Variants in ZFAT observed in about 807,000 individuals in gnomAD.
ZFAT encodes zinc finger protein ZFAT.
A neutral mutation model predicts 117.7 loss-of-function variants in ZFAT; 64 were observed. The observed-to-expected ratio is 0.54, with a 90% confidence interval of 0.44 to 0.67. The LOEUF is 0.67. Among genes scored for constraint, ZFAT ranks in the 30% least tolerant of loss-of-function variants. The pLI, the probability that ZFAT is intolerant of heterozygous loss-of-function variation, is 0.00. For missense variants in ZFAT, 1,433 were observed against 1,584.5 expected (o/e 0.90, Z 1.62); for synonymous variants, 679 against 615.0 (o/e 1.10, Z -1.54).
chr8:134,576,898 G>A (rs1825352086), intron 10 of ZFAT, among the ~76,000 whole-genome samples: 1 of 152,116 alleles, frequency 6.6e-6, no homozygotes, highest in African/African-American at 2.4e-5. Context: ...ATGTACAGGG[G>A]CAGTTTGGAT....
In ZFAT at chr8:134,532,950, T is replaced by G. The variant is rs755425177; in HGVS notation, c.2999A>C (p.His1000Pro). ...AGAGCCAGATATGTTGCAGGAGTAA[T>G]GGCAATGGGCACAGCGGAAAGGCTG... ...SFKPFRCAHCHYSCNISGSLK... is the reference protein window; with the variant it reads ...SFKPFRCAHCPYSCNISGSLK... Residue 1000 changes from histidine to proline, a missense_variant, in exon 12 of 16, where the codon CAT (histidine) becomes CCT (proline). By Grantham distance (77) the His-to-Pro change is moderately conservative. Coordinates refer to ENST00000377838, the MANE Select transcript of ZFAT (RefSeq NM_020863.4). 1.1e-5 allele frequency: 18 copies of G among 1,606,854 alleles called. No individual in the cohort carries two copies. The highest frequency in any genetic ancestry group is 1.5e-5 in the Non-Finnish European group (18 of 1,176,770).
Position 134,637,713 on chromosome 8 carries a change from C to G in ZFAT, c.197-1G>C. 6.2e-7 allele frequency: 1 copy of G among 1,612,716 alleles called. No homozygotes were observed. ...CTCTTCCTCTTCATGACCAAAAACT[C>G]TACAGAGGAAACAAGAGGGCACAAT... On this transcript the variant is annotated splice_acceptor_variant, in intron 2 of 15. Transcript: ENST00000377838. LOFTEE classifies it high-confidence loss of function.
intron 2 of ZFAT, among the ~76,000 whole-genome samples, chr8:134,655,585 T>G (rs1284936794): frequency 6.7e-6 from 1 of 149,564 alleles, no homozygotes; most frequent in Non-Finnish European, 1.5e-5. Context: ...AAGGTGGAGG[T>G]GGCAGTGAGC....
intron 10 of ZFAT, among the ~76,000 whole-genome samples, chr8:134,581,560 A>C (rs1392129897): frequency 6.6e-6 from 1 of 152,136 alleles, no homozygotes; most frequent in Non-Finnish European, 1.5e-5. Context: ...CTCTCATTGC[A>C]CCTGATGACT....
At chr8:134,564,643 A>G (rs779309163) in intron 11 of ZFAT, among the ~76,000 whole-genome samples, 5 of 152,194 alleles carry the variant, frequency 3.3e-5, no homozygotes, top group African/African-American at 4.8e-5. Flanking sequence ...AATCTTGATG[A>G]TTCCTTTCCA....
At chr8:134,590,727 CCACCAA>C (rs1405530577) in intron 7 of ZFAT, among the ~76,000 whole-genome samples, 1,595 of 128,732 alleles carry the variant, frequency 0.012, 28 homozygotes, top group African/African-American at 0.041. Context: ...ATTACCACCA[CCACCAA>C]CACCACCACC....
intron 1 of ZFAT, among the ~76,000 whole-genome samples, chr8:134,698,989 GAGA>G (rs1411720858): frequency 6.6e-6 from 1 of 152,228 alleles, no homozygotes; most frequent in African/African-American, 2.4e-5. Flanking sequence ...GCAGGAGAAA[GAGA>G]AGAAGAGGAG....
At chr8:134,613,720 G>T (rs1008914679) in intron 3 of ZFAT, among the ~76,000 whole-genome samples, 1 of 152,208 alleles carries the variant, frequency 6.6e-6, no homozygotes, top group African/African-American at 2.4e-5. Context: ...AATGGGCTCT[G>T]AGGAGAAGGG....
the ZFAT span, among the ~76,000 whole-genome samples, chr8:134,734,073 C>T: frequency 5.9e-5 from 9 of 152,176 alleles, no homozygotes; most frequent in South Asian, 2.1e-4. Context: ...TTCAGGACGC[C>T]GTTATTAAGG....
At chr8:134,570,215 C>T (rs1824790747) in intron 10 of ZFAT, among the ~76,000 whole-genome samples, 1 of 150,858 alleles carries the variant, frequency 6.6e-6, no homozygotes, top group Non-Finnish European at 1.5e-5. Context: ...TCAAATGTCA[C>T]CTTCACACTG....
At chr8:134,740,089 C>T in the ZFAT span, among the ~76,000 whole-genome samples, 3 of 152,186 alleles carry the variant, frequency 2.0e-5, no homozygotes, top group African/African-American at 7.2e-5. Flanking sequence ...TGACTTTTCC[C>T]CTTCTCATTT....
the ZFAT span, chr8:134,792,751 T>C: frequency 6.6e-6 from 1 of 152,202 alleles, no homozygotes; most frequent in Admixed American, 6.5e-5. Flanking sequence ...TTGATCACTG[T>C]CATATGACTA....
At chr8:134,637,381 A>C (rs1830280711) in intron 3 of ZFAT, 80 bp downstream of exon 3, 1 of 1,525,638 alleles carries the variant, frequency 6.6e-7, no homozygotes, top group African/African-American at 1.4e-5. Context: ...CCAAGTAAAA[A>C]CTGACCCAGT....
At chr8:134,791,231 A>C in the ZFAT span, among the ~76,000 whole-genome samples, 3 of 152,172 alleles carry the variant, frequency 2.0e-5, no homozygotes, top group African/African-American at 7.2e-5. Context: ...TCTCCACCCT[A>C]AAGTCTTGGG....
chr8:134,828,767 C>T, the ZFAT span, among the ~76,000 whole-genome samples: 1 of 152,126 alleles, frequency 6.6e-6, no homozygotes, highest in African/African-American at 2.4e-5. Flanking sequence ...CAAATAAACG[C>T]AAATGCATTA....
chr8:134,767,003 C>G, the ZFAT span: 1 of 152,186 alleles, frequency 6.6e-6, no homozygotes, highest in Non-Finnish European at 1.5e-5. Context: ...AAACACTATT[C>G]GGATGGCTCT....
chr8:134,794,914 C>T, the ZFAT span: 2 of 152,214 alleles, frequency 1.3e-5, no homozygotes, highest in Admixed American at 1.3e-4. Flanking sequence ...GTTGCTAGCA[C>T]TGTGCAGGGT....
At chr8:134,709,476 A>C (rs936536059) in intron 1 of ZFAT, among the ~76,000 whole-genome samples, 5 of 152,124 alleles carry the variant, frequency 3.3e-5, no homozygotes, top group Non-Finnish European at 7.4e-5. Flanking sequence ...TACCCTCCTA[A>C]ATGTTCCAGC....
At position 134,602,820 on chromosome 8, in the gene ZFAT, T is replaced by C. The variant is rs764120036; in HGVS notation, c.899A>G (p.Lys300Arg). 4 of 1,614,074 alleles carry C rather than the reference T, an allele frequency of 2.5e-6. No homozygotes were observed. Among genetic ancestry groups the C allele is most frequent in the Non-Finnish European group, 3.4e-6 (4 of 1,180,042 alleles). The change falls in exon 6 of 16, where the codon AAG (lysine) becomes AGG (arginine). Residue 300 changes from lysine (K) to arginine (R), a missense_variant. Lys to Arg is a conservative substitution (Grantham distance 26). Coordinates refer to ENST00000377838, the MANE Select transcript of ZFAT (RefSeq NM_020863.4). Reference protein sequence around the residue: ...LRIHTNEKPYKCPQCSYASAI... With the variant: ...LRIHTNEKPYRCPQCSYASAI... ...ACTGGCATAGCTGCACTGGGGGCAC[T>C]TGTATGGCTTTTCATTGGTGTGGAT...
Sources: allele counts gnomAD v4.1 joint callset (sites outside exome capture counted in the v4.1 genomes callset), GRCh38; gene constraint gnomAD v4.1.1; transcripts MANE v1.5; gene names NCBI Gene and HGNC (gene_info 2026-07-23, HGNC 2026-07-21).